The following PLCB4 variants were observed in gnomAD, a reference collection of about 807,000 sequenced individuals.
PLCB4 encodes 1-phosphatidylinositol 4,5-bisphosphate phosphodiesterase beta-4.
Under a neutral mutation model 178.8 loss-of-function variants are expected in PLCB4, and 77 were observed. That is an observed-to-expected ratio of 0.43 (90% CI 0.36 to 0.52). The LOEUF (loss-of-function observed/expected upper bound fraction) is 0.52. Among genes scored for constraint, PLCB4 ranks in the 20% least tolerant of loss-of-function variants. The pLI is 0.00. For synonymous variants in PLCB4, 496 were observed against 490.8 expected (o/e 1.01, Z -0.14); for missense variants, 1,024 against 1,453.4 (o/e 0.70, Z 4.80).
chr20:9,093,408 C>G (rs1240745424), intron 1 of PLCB4, among the ~76,000 whole-genome samples: 1 of 152,142 alleles, frequency 6.6e-6, no homozygotes, highest in Non-Finnish European at 1.5e-5. Flanking sequence ...CTGGTTTTCC[C>G]ATAATACTCC....
intron 2 of PLCB4, among the ~76,000 whole-genome samples, chr20:9,143,594 G>A (rs1258157953): frequency 1.3e-5 from 2 of 152,110 alleles, no homozygotes; most frequent in African/African-American, 2.4e-5. Flanking sequence ...GGTGCATTTA[G>A]CTTAGCCTCC....
At chr20:9,138,662 A>G (rs1221235992) in intron 2 of PLCB4, among the ~76,000 whole-genome samples, 21 of 152,076 alleles carry the variant, frequency 1.4e-4, no homozygotes, top group Admixed American at 1.3e-3. Flanking sequence ...TCTATTTCTA[A>G]TGATTATATT....
At chr20:9,226,697 A>G (rs1160124962) in intron 3 of PLCB4, among the ~76,000 whole-genome samples, 1 of 152,112 alleles carries the variant, frequency 6.6e-6, no homozygotes, top group Admixed American at 6.5e-5. Context: ...GCTCAGAACT[A>G]ATTTCTAATG....
intron 21 of PLCB4, among the ~76,000 whole-genome samples, chr20:9,406,927 T>A (rs2039484155): frequency 6.6e-6 from 1 of 152,254 alleles, no homozygotes; most frequent in South Asian, 2.1e-4. Context: ...GGTATTTTTG[T>A]TGTTGGTTTT....
At chr20:9,466,948 T>C (rs2043827186) in intron 35 of PLCB4, among the ~76,000 whole-genome samples, 3 of 152,214 alleles carry the variant, frequency 2.0e-5, no homozygotes, top group African/African-American at 4.8e-5. Flanking sequence ...CAGAGAATTA[T>C]AAACCATGCT....
chr20:9,154,962 T>A (rs1308636871), intron 2 of PLCB4, among the ~76,000 whole-genome samples: 1 of 144,328 alleles, frequency 6.9e-6, no homozygotes, highest in Non-Finnish European at 1.5e-5. Flanking sequence ...CTTCCTTCCT[T>A]CCTTCTGCTT....
chr20:9,314,133 G>C (rs1024264659), intron 4 of PLCB4, among the ~76,000 whole-genome samples: 1 of 152,190 alleles, frequency 6.6e-6, no homozygotes, highest in African/African-American at 2.4e-5. Context: ...GCAGAGGGTA[G>C]GGCAGTGGAG....
chr20:9,423,237 T>C lies in PLCB4; in HGVS notation c.2320-511T>C, dbSNP rs2040767864. Among the ~76,000 whole-genome samples the C allele has an allele frequency of 2.0e-5, 3 of 152,254 alleles. No homozygotes were observed. In the South Asian group the frequency reaches 6.2e-4, roughly 31 times the overall value. On this transcript the variant is annotated intron_variant, in intron 27 of 39. Transcript: ENST00000378473. ...GACCCAAATTTATGTACAAAAGTTA[T>C]CTCTTATGCATGAAGCATTTATTCA...
chr20:9,330,313 C>T (rs2031444394), intron 4 of PLCB4, among the ~76,000 whole-genome samples: 1 of 152,184 alleles, frequency 6.6e-6, no homozygotes, highest in South Asian at 2.1e-4. Flanking sequence ...ATGGCCTCTT[C>T]CTCAGACTCC....
rs76061406 is a variant in PLCB4, at chr20:9,301,637, T to A, written c.-15-6163T>A. On this transcript the variant is annotated intron_variant, in intron 3 of 39. Coordinates refer to ENST00000378473, the MANE Select transcript of PLCB4 (RefSeq NM_001377142.1). ...GATAGAAGGCCATATTTATGGGTAA[T>A]GCACATGTCCTACTTGAATATTTGG... 5.3e-3 allele frequency among the ~76,000 whole-genome samples: 814 copies of A among 152,270 alleles called. 2 individuals are homozygous for A. Among genetic ancestry groups the A allele is most frequent in the Middle Eastern group, 0.014 (4 of 294 alleles).
chr20:9,355,435 C>T (rs1037149524), intron 7 of PLCB4, among the ~76,000 whole-genome samples: 1 of 151,954 alleles, frequency 6.6e-6, no homozygotes, highest in Non-Finnish European at 1.5e-5. Context: ...CTAATGCTGT[C>T]CCTCCCCCAT....
At chr20:9,255,467 A>T (rs919269770) in intron 3 of PLCB4, among the ~76,000 whole-genome samples, 3 of 151,096 alleles carry the variant, frequency 2.0e-5, no homozygotes, top group Admixed American at 6.6e-5. Context: ...CCTCTCTACT[A>T]CAGGTCTTCA....
chr20:9,288,664 A>G (rs2094555424), intron 3 of PLCB4, among the ~76,000 whole-genome samples: 1 of 151,918 alleles, frequency 6.6e-6, no homozygotes. Context: ...CTGAGAGCCA[A>G]AAAGGATAAA....
chr20:9,330,701 A>G (rs1049204289), intron 4 of PLCB4, among the ~76,000 whole-genome samples: 1 of 152,216 alleles, frequency 6.6e-6, no homozygotes, highest in Admixed American at 6.5e-5. Context: ...TTAAAATAAA[A>G]AATTCAGCAC....
intron 38 of PLCB4, among the ~76,000 whole-genome samples, chr20:9,476,388 C>T (rs1368556284): frequency 6.6e-6 from 1 of 152,078 alleles, no homozygotes. Flanking sequence ...ACTCGAGTCT[C>T]AAAAATTGAT....
upstream of PLCB4, chr20:9,068,902 AG>A (rs941317223): frequency 3.0e-5 from 4 of 135,062 alleles, no homozygotes; most frequent in African/African-American, 8.3e-5. Context: ...CCCTCAACTG[AG>A]GTAAGGACCG....
At chr20:9,429,147 G>A (rs1355815600) in intron 28 of PLCB4, among the ~76,000 whole-genome samples, 1 of 152,152 alleles carries the variant, frequency 6.6e-6, no homozygotes, top group African/African-American at 2.4e-5. Context: ...AGAAAAAGCA[G>A]ACTGGTTTCT....
intron 3 of PLCB4, among the ~76,000 whole-genome samples, chr20:9,275,362 CA>C (rs1238322863): frequency 6.6e-6 from 1 of 152,048 alleles, no homozygotes. Flanking sequence ...CCTCCCACAA[CA>C]TGTGGGAATT....
chr20:9,330,436 A>G (rs2031465741), intron 4 of PLCB4, among the ~76,000 whole-genome samples: 1 of 152,084 alleles, frequency 6.6e-6, no homozygotes, highest in African/African-American at 2.4e-5. Flanking sequence ...CTACCTAGGC[A>G]GTGTTCGTTT....
Sources: allele counts gnomAD v4.1 joint callset (sites outside exome capture counted in the v4.1 genomes callset), GRCh38; gene constraint gnomAD v4.1.1; transcripts MANE v1.5; gene names NCBI Gene and HGNC (gene_info 2026-07-23, HGNC 2026-07-21).